EGFR: variants seen among roughly 807,000 people sequenced by gnomAD.
EGFR encodes epidermal growth factor receptor, also known as avian erythroblastic leukemia viral (v-erb-b) oncogene homolog.
In EGFR, 58 loss-of-function variants were observed where a neutral mutation model predicts 143.0. The observed-to-expected ratio is 0.41, with a 90% CI of 0.33 to 0.50. The LOEUF is 0.50. Ranked by LOEUF, EGFR falls within the 20% of genes least tolerant of loss-of-function variation. The pLI is 0.39. For missense variants in EGFR, 1,307 were observed against 1,579.0 expected (o/e 0.83, Z 2.92); for synonymous variants, 613 against 594.4 (o/e 1.03, Z -0.45).
intron 1 of EGFR, among the ~76,000 whole-genome samples, chr7:55,086,787 A>G (rs1790787544): frequency 6.6e-6 from 1 of 152,244 alleles, no homozygotes; most frequent in African/African-American, 2.4e-5. Context: ...TTGACGACCC[A>G]TGGGAGAACA....
intron 15 of EGFR, among the ~76,000 whole-genome samples, chr7:55,169,070 C>T (rs867464584): frequency 2.6e-5 from 4 of 151,634 alleles, no homozygotes; most frequent in African/African-American, 7.3e-5. Flanking sequence ...GCCACCCAGA[C>T]GAGGGGGAGG....
chr7:55,114,577 T>A (rs995421555), intron 1 of EGFR, among the ~76,000 whole-genome samples: 4 of 152,164 alleles, frequency 2.6e-5, no homozygotes, highest in African/African-American at 9.6e-5. Flanking sequence ...TACAATAATT[T>A]TTAAGTTTCT....
At chr7:55,038,049 C>A (rs73420736) in intron 1 of EGFR, among the ~76,000 whole-genome samples, 2 of 152,090 alleles carry the variant, frequency 1.3e-5, no homozygotes, top group African/African-American at 4.8e-5. Context: ...AAAACACTTA[C>A]GACTGCAGAT....
intron 1 of EGFR, among the ~76,000 whole-genome samples, chr7:55,095,203 G>C (rs1165600705): frequency 6.6e-6 from 1 of 152,172 alleles, no homozygotes; most frequent in African/African-American, 2.4e-5. Flanking sequence ...CTGCAAGCCA[G>C]GTCACCTTCC....
chr7:55,150,293 C>A (rs1173993195), intron 4 of EGFR, among the ~76,000 whole-genome samples: 1 of 152,204 alleles, frequency 6.6e-6, no homozygotes, highest in East Asian at 1.9e-4. Flanking sequence ...TTCTCTAGAC[C>A]TCTGTTGCAG....
intron 1 of EGFR, among the ~76,000 whole-genome samples, chr7:55,094,712 A>G (rs971721412): frequency 5.9e-5 from 9 of 152,384 alleles, no homozygotes; most frequent in African/African-American, 1.7e-4. Flanking sequence ...TGAGAGAAGT[A>G]GGGTAAAAAG....
chr7:55,151,452 A>T (rs1785148384), intron 5 of EGFR, 90 bp downstream of exon 5: 1 of 1,378,438 alleles, frequency 7.3e-7, no homozygotes, highest in Non-Finnish European at 1.0e-6. Flanking sequence ...CCCTCTGAAG[A>T]CTCCAAAGAG....
chr7:55,161,317 C>G (rs941570484), intron 12 of EGFR, among the ~76,000 whole-genome samples, 182 bp from the exon 13 acceptor site: 1 of 152,272 alleles, frequency 6.6e-6, no homozygotes, highest in African/African-American at 2.4e-5. Context: ...CTACTTTGTC[C>G]TTCCAGTCAC....
intron 1 of EGFR, among the ~76,000 whole-genome samples, chr7:55,128,660 GT>G (rs1793668437): frequency 1.3e-5 from 2 of 152,160 alleles, no homozygotes; most frequent in South Asian, 4.1e-4. Context: ...AAGACTCCAT[GT>G]TTTTGGAAAA....
At chr7:55,062,974 T>G (rs1789279439) in intron 1 of EGFR, among the ~76,000 whole-genome samples, 1 of 151,942 alleles carries the variant, frequency 6.6e-6, no homozygotes, top group South Asian at 2.1e-4. Flanking sequence ...ACGGTTCCCT[T>G]TTTACAGGAG....
At chr7:55,147,149 C>A (rs1794810032) in intron 4 of EGFR, among the ~76,000 whole-genome samples, 1 of 152,248 alleles carries the variant, frequency 6.6e-6, no homozygotes, top group Admixed American at 6.5e-5. Flanking sequence ...CCACCCCCAG[C>A]TGAGGGCATG....
chr7:55,040,021 C>T (rs898111171), intron 1 of EGFR, among the ~76,000 whole-genome samples: 8 of 152,156 alleles, frequency 5.3e-5, no homozygotes, highest in Non-Finnish European at 1.0e-4. Flanking sequence ...CTGATGGTGA[C>T]GCAGAAATTC....
At chr7:55,037,036 T>G (rs1441006325) in intron 1 of EGFR, among the ~76,000 whole-genome samples, 1 of 152,192 alleles carries the variant, frequency 6.6e-6, no homozygotes, top group Non-Finnish European at 1.5e-5. Flanking sequence ...ACATGGGTAC[T>G]CTTGTTTGTG....
intron 1 of EGFR, among the ~76,000 whole-genome samples, chr7:55,138,069 C>T (rs1425332575): frequency 6.6e-6 from 1 of 152,164 alleles, no homozygotes; most frequent in African/African-American, 2.4e-5. Context: ...CTTTAAAATG[C>T]ATCCAAAGGC....
At position 55,200,421 on chromosome 7, in the gene EGFR, T is replaced by C. The variant is rs1378642377; in HGVS notation, c.2946+8T>C. ...CGCTACCTTGTCATTCAGGTACAAATTGCAGTCTGTGCTTCCATTGGGAAG... is the reference window on the plus strand; with the variant it reads ...CGCTACCTTGTCATTCAGGTACAAACTGCAGTCTGTGCTTCCATTGGGAAG... On this transcript the variant is annotated splice_region_variant and intron_variant, in intron 24 of 27. Transcript: ENST00000275493. The C allele has an allele frequency of 1.2e-6, 2 of 1,612,910 alleles. No homozygotes were observed. Among genetic ancestry groups the C allele is most frequent in the Admixed American group, 1.7e-5 (1 of 60,018 alleles).
chr7:55,181,604 C>T (rs2128959185), intron 20 of EGFR, 126 bp downstream of exon 20: 2 of 1,114,340 alleles, frequency 1.8e-6, no homozygotes, highest in South Asian at 2.6e-5. Flanking sequence ...AGCACACACA[C>T]ATTCCTTTAT....
At chr7:55,047,901 G>C (rs1229713979) in intron 1 of EGFR, among the ~76,000 whole-genome samples, 2 of 152,172 alleles carry the variant, frequency 1.3e-5, no homozygotes, top group Non-Finnish European at 2.9e-5. Flanking sequence ...TCACTGGGGA[G>C]TGAGCAGAAA....
intron 4 of EGFR, among the ~76,000 whole-genome samples, chr7:55,149,605 T>C (rs12112020): frequency 0.014 from 2,112 of 152,292 alleles, 42 homozygotes; most frequent in African/African-American, 0.046. Flanking sequence ...CTTGGCAATA[T>C]GCCTGCAATA....
chr7:55,167,072 TTGA>T (rs1220738501), intron 15 of EGFR, among the ~76,000 whole-genome samples: 1 of 112,712 alleles, frequency 8.9e-6, no homozygotes, highest in Non-Finnish European at 1.8e-5. Flanking sequence ...GTTGGTGGTG[TTGA>T]TGGTGGTGAT....
Sources: allele counts gnomAD v4.1 joint callset (sites outside exome capture counted in the v4.1 genomes callset), GRCh38; gene constraint gnomAD v4.1.1; transcripts MANE v1.5; gene names NCBI Gene and HGNC (gene_info 2026-07-23, HGNC 2026-07-21).